The following SIRT2 variants were observed in gnomAD, a reference collection of about 807,000 sequenced individuals.
SIRT2 encodes NAD-dependent protein deacetylase sirtuin-2.
Under a neutral mutation model 57.4 loss-of-function variants are expected in SIRT2, and 40 were observed. That is an observed-to-expected ratio of 0.70 (90% CI 0.54 to 0.91). SIRT2 has a LOEUF of 0.91. SIRT2 is among the 40% of genes least tolerant of loss of function. The pLI is 0.00. For missense variants in SIRT2, 439 were observed against 510.4 expected, an observed-to-expected ratio of 0.86 and a Z score of 1.35; for synonymous variants, 161 against 195.7, an observed-to-expected ratio of 0.82 and a Z score of 1.48.
chr19:38,886,949 T>G (rs1332582711), intron 8 of SIRT2, among the ~76,000 whole-genome samples: 4 of 151,752 alleles, frequency 2.6e-5, no homozygotes, highest in Non-Finnish European at 5.9e-5. Context: ...ATTTTTTTTC[T>G]TTTTTTGAGA....
At chr19:38,881,614 G>T in intron 9 of SIRT2, 123 bp from the exon 10 acceptor site, 1 of 742,570 alleles carries the variant, frequency 1.3e-6, no homozygotes, top group Non-Finnish European at 2.4e-6. Context: ...CTTGGAGTGT[G>T]ATGGGTGTCT....
At chr19:38,899,474 G>A in intron 1 of SIRT2, 32 bp downstream of exon 1, 1 of 1,611,662 alleles carries the variant, frequency 6.2e-7, no homozygotes, top group Non-Finnish European at 8.5e-7. Flanking sequence ...CCCCGGCGCG[G>A]CCCGACCCTC....
intron 15 of SIRT2, 61 bp downstream of exon 15, chr19:38,879,373 G>A: frequency 1.9e-6 from 3 of 1,601,686 alleles, no homozygotes; most frequent in Non-Finnish European, 2.6e-6. Flanking sequence ...GAGGACCCAT[G>A]GGGTGGGGAG....
At chr19:38,898,321 T>G in intron 2 of SIRT2, 58 bp downstream of exon 2, 1 of 1,283,570 alleles carries the variant, frequency 7.8e-7, no homozygotes, top group Non-Finnish European at 1.0e-6. Flanking sequence ...CTCCCCCCAG[T>G]GTGGGATGTG....
At chr19:38,879,345 C>T (rs1368037063) in intron 15 of SIRT2, 35 bp from the exon 16 acceptor site, 16 of 1,611,824 alleles carry the variant, frequency 9.9e-6, no homozygotes, top group Admixed American at 1.7e-5. Flanking sequence ...TCAAAGGTCA[C>T]TGTGCATCAT....
chr19:38,883,720 G>A lies in SIRT2; in HGVS notation c.538C>T (p.Gln180Ter), dbSNP rs1388786657. The change falls in exon 9 of 16, where the codon CAG becomes TAG. Residue 180 changes from glutamine to a stop codon, truncating the protein, a stop_gained. Transcript: ENST00000249396. LOFTEE classifies it high-confidence loss of function. The part of the protein sequence containing the change: ...DTLERIAGLE[Q>*]EDLVEAHGTF... ...CCGTGCGCCTCCACCAAGTCCTCCT[G>A]TTCCAGCCCGGCTATTCGCTCCAGG... 1 of 1,614,102 alleles carries A rather than the reference G, an allele frequency of 6.2e-7. No homozygotes were observed.
intron 9 of SIRT2, among the ~76,000 whole-genome samples, chr19:38,883,340 T>C (rs533596807): frequency 6.6e-6 from 1 of 152,052 alleles, no homozygotes; most frequent in Admixed American, 6.6e-5. Context: ...CTGCCCGCCT[T>C]GGCCTCCCAA....
Position 38,878,985 on chromosome 19 carries a change from G to A in SIRT2, c.*170C>T, listed in dbSNP as rs199911215. 2.1e-5 allele frequency: 13 copies of A among 622,028 alleles called. No individual in the cohort carries two copies. Among genetic ancestry groups the A allele is most frequent in the Non-Finnish European group, 3.2e-5 (12 of 376,194 alleles). The allele number at this position is 622,028 out of a possible 1,614,324, so 38.5% of individuals were successfully genotyped here. ...CTCTAGGAGGTGTTAGAGATTTGCT[G>A]GGGTTGGGGGCCAGGGTTGCTGGGA... On this transcript the variant is annotated 3_prime_UTR_variant, in exon 16 of 16. Transcript: ENST00000249396.
At chr19:38,896,533 G>A (rs2144705124) in intron 2 of SIRT2, among the ~76,000 whole-genome samples, 1 of 152,304 alleles carries the variant, frequency 6.6e-6, no homozygotes, top group Non-Finnish European at 1.5e-5. Flanking sequence ...TTTCAGAGCA[G>A]CTACATAGTA....
intron 8 of SIRT2, among the ~76,000 whole-genome samples, chr19:38,885,435 T>C (rs1022379375): frequency 2.0e-5 from 3 of 150,636 alleles, no homozygotes; most frequent in African/African-American, 7.3e-5. Context: ...TTTCTTTTTT[T>C]TTTTTTTCAG....
intron 2 of SIRT2, chr19:38,894,428 G>T: frequency 4.7e-6 from 1 of 210,992 alleles, no homozygotes; most frequent in Non-Finnish European, 9.6e-6. Context: ...GATTTTCTAA[G>T]TCTTGGTGTC....
chr19:38,881,417 T>C lies in SIRT2; in HGVS notation c.691+15A>G. The C allele has an allele frequency of 6.2e-7, 1 of 1,613,822 alleles. No individual in the cohort carries two copies. Among genetic ancestry groups the C allele is most frequent in the Non-Finnish European group, 8.5e-7 (1 of 1,179,770 alleles). On this transcript the variant is annotated intron_variant, in intron 10 of 15. Coordinates refer to ENST00000249396, the MANE Select transcript of SIRT2 (RefSeq NM_012237.4). ...ACCCAAATCCACCTGGGCAGGTCCC[T>C]GGCCAGAGGCTCACCAGGCTTCACC...
At chr19:38,887,826 C>T (rs1973390801) in intron 8 of SIRT2, among the ~76,000 whole-genome samples, 1 of 152,174 alleles carries the variant, frequency 6.6e-6, no homozygotes, top group African/African-American at 2.4e-5. Flanking sequence ...GTGGCACAAT[C>T]TTGACTCACT....
rs200769928 is a variant in SIRT2, at chr19:38,878,713, C to T, written c.*442G>A. On this transcript the variant is annotated 3_prime_UTR_variant, in exon 16 of 16. Coordinates refer to ENST00000249396, the MANE Select transcript of SIRT2 (RefSeq NM_012237.4). ...GCCCTCCCGGCTCAGACTCCCCCTA[C>T]GCTGGGTGTGGGTTATATTCAGAGG... 17 of 156,128 alleles carry T rather than the reference C, an allele frequency of 1.1e-4. No homozygotes were observed. The highest frequency in any genetic ancestry group is 2.3e-4 in the Non-Finnish European group (16 of 70,794). 9.7% of individuals were successfully genotyped at this position (156,128 alleles called of 1,614,324 possible). A position where few individuals can be genotyped will look rare whatever the true frequency, so the allele number is the denominator to read the frequency against.
intron 10 of SIRT2, 57 bp downstream of exon 10, chr19:38,881,375 G>A (rs1973149124): frequency 4.0e-6 from 6 of 1,516,006 alleles, no homozygotes; most frequent in South Asian, 1.1e-5. Flanking sequence ...GGGGGTCAGG[G>A]GGAGGAGGGG....
chr19:38,885,428 C>A (rs1332858107), intron 8 of SIRT2, among the ~76,000 whole-genome samples: 1 of 137,738 alleles, frequency 7.3e-6, no homozygotes, highest in Admixed American at 7.3e-5. Flanking sequence ...CTTTTCTTTT[C>A]TTTTTTTTTT....
chr19:38,889,554 A>G (rs1973454957), intron 7 of SIRT2, 135 bp downstream of exon 7: 1 of 979,834 alleles, frequency 1.0e-6, no homozygotes, highest in Non-Finnish European at 1.5e-6. Flanking sequence ...CAGGACTTGA[A>G]CCGAGGCAGT....
intron 2 of SIRT2, chr19:38,894,299 G>A (rs760505328): frequency 4.9e-5 from 10 of 204,782 alleles, no homozygotes; most frequent in East Asian, 2.9e-4. Flanking sequence ...TTGTAGAGAC[G>A]AGGTCTTCCT....
chr19:38,899,410 T>A, intron 1 of SIRT2, 96 bp downstream of exon 1: 1 of 1,421,046 alleles, frequency 7.0e-7, no homozygotes. Context: ...GCTCCCTACT[T>A]CCCGCCCCAC....
Sources: allele counts gnomAD v4.1 joint callset (sites outside exome capture counted in the v4.1 genomes callset), GRCh38; gene constraint gnomAD v4.1.1; transcripts MANE v1.5; gene names NCBI Gene and HGNC (gene_info 2026-07-23, HGNC 2026-07-21).